The following TMEM132C variants were observed in gnomAD, a reference collection of about 807,000 sequenced individuals.
TMEM132C encodes protein phosphatase 1, regulatory subunit 152.
TMEM132C carries 29 observed loss-of-function variants against 61.4 expected under a neutral mutation model. The observed-to-expected ratio is 0.47, with a 90% CI of 0.35 to 0.64. The LOEUF is 0.64. Among genes scored for constraint, TMEM132C ranks in the 30% least tolerant of loss-of-function variants. The pLI is 0.00. For missense variants in TMEM132C, 1,408 were observed against 1,476.9 expected (o/e 0.95, Z 0.76); for synonymous variants, 656 against 633.1 (o/e 1.04, Z -0.54).
chr12:128,344,946 T>C (rs1873102348), intron 1 of TMEM132C, among the ~76,000 whole-genome samples: 1 of 148,988 alleles, frequency 6.7e-6, no homozygotes, highest in African/African-American at 2.5e-5. Flanking sequence ...TTTTTTTAAA[T>C]TTCCAGCTTT....
intron 2 of TMEM132C, among the ~76,000 whole-genome samples, chr12:128,465,081 G>T (rs971343082): frequency 6.6e-6 from 1 of 152,116 alleles, no homozygotes; most frequent in African/African-American, 2.4e-5. Flanking sequence ...TCCTATGCTT[G>T]TTGGTCTATA....
At chr12:128,489,655 ATTTCCCAGTGC>A (rs1288719346) in intron 2 of TMEM132C, among the ~76,000 whole-genome samples, 2 of 151,060 alleles carry the variant, frequency 1.3e-5, no homozygotes, top group Non-Finnish European at 2.9e-5. Flanking sequence ...CCTGCTCAGA[ATTTCCCAGTGC>A]TTTCCCACCC....
At chr12:128,494,320 G>A (rs561278202) in intron 2 of TMEM132C, among the ~76,000 whole-genome samples, 70 of 152,194 alleles carry the variant, frequency 4.6e-4, no homozygotes, top group African/African-American at 1.7e-3. Flanking sequence ...TCTTTTTGTT[G>A]TGTCTCTGCC....
chr12:128,269,961 C>T (rs1323405343), intron 1 of TMEM132C, among the ~76,000 whole-genome samples: 1 of 152,114 alleles, frequency 6.6e-6, no homozygotes, highest in African/African-American at 2.4e-5. Context: ...TGCAATTTGT[C>T]AGGGTTCGGA....
chr12:128,683,726 G>A (rs753056717), intron 5 of TMEM132C, among the ~76,000 whole-genome samples: 1 of 152,140 alleles, frequency 6.6e-6, no homozygotes, highest in African/African-American at 2.4e-5. Context: ...TAGCACTTTG[G>A]GGGGCCAAGG....
At chr12:128,391,183 C>A (rs1409450531) in intron 1 of TMEM132C, among the ~76,000 whole-genome samples, 1 of 152,182 alleles carries the variant, frequency 6.6e-6, no homozygotes, top group Non-Finnish European at 1.5e-5. Flanking sequence ...AGTTTGAGAA[C>A]CACTACGGTA....
intron 1 of TMEM132C, among the ~76,000 whole-genome samples, chr12:128,369,319 T>C (rs1042069332): frequency 6.6e-6 from 1 of 152,336 alleles, no homozygotes; most frequent in East Asian, 1.9e-4. Context: ...TTTTAGAAAC[T>C]CATTTTATTA....
intron 1 of TMEM132C, among the ~76,000 whole-genome samples, chr12:128,291,752 C>T (rs963000669): frequency 3.3e-5 from 5 of 152,222 alleles, no homozygotes; most frequent in African/African-American, 7.2e-5. Flanking sequence ...AACTGCACCT[C>T]CCAGGTTCCC....
At chr12:128,547,107 A>G (rs1188579305) in intron 3 of TMEM132C, among the ~76,000 whole-genome samples, 1 of 152,162 alleles carries the variant, frequency 6.6e-6, no homozygotes, top group Admixed American at 6.5e-5. Context: ...TATGTATAGC[A>G]CTGCCACGGG....
Position 128,326,791 on chromosome 12 carries a change from A to C in TMEM132C, c.85+59304A>C, listed in dbSNP as rs1872534582. Among the ~76,000 whole-genome samples the C allele has an allele frequency of 7.2e-6, 1 of 138,704 alleles. No homozygotes were observed. The highest frequency in any genetic ancestry group is 1.5e-5 in the Non-Finnish European group (1 of 67,884). 91.0% of individuals were successfully genotyped at this position (138,704 alleles called of 152,430 possible). Reference sequence around the variant, plus strand: ...GCTCCCACATCTCGTTACCGACTTCACAATATTTTTTTTTTCTTTCTTAAC... The same window carrying C: ...GCTCCCACATCTCGTTACCGACTTCCCAATATTTTTTTTTTCTTTCTTAAC... On this transcript the variant is annotated intron_variant, in intron 1 of 8. Transcript: ENST00000435159. This position sits in a 1 kb window ranked among gnomAD's most constrained non-coding sequence, Gnocchi z 5.6.
At chr12:128,607,421 T>G (rs1025590020) in intron 3 of TMEM132C, among the ~76,000 whole-genome samples, 12 of 152,088 alleles carry the variant, frequency 7.9e-5, no homozygotes, top group African/African-American at 2.7e-4. Context: ...GAGTCACATC[T>G]CAGCAGAATT....
chr12:128,607,175 AG>A, intron 3 of TMEM132C, among the ~76,000 whole-genome samples: 1 of 152,306 alleles, frequency 6.6e-6, no homozygotes, highest in South Asian at 2.1e-4. Flanking sequence ...TTCCAGGCAG[AG>A]GAGGGAGCAA....
At chr12:128,665,311 GCA>G (rs372285965) in intron 4 of TMEM132C, among the ~76,000 whole-genome samples, 3 of 108,038 alleles carry the variant, frequency 2.8e-5, no homozygotes, top group African/African-American at 9.8e-5. Context: ...ACACAAACAG[GCA>G]CACACACACA....
At chr12:128,410,058 C>A (rs538284427) in intron 1 of TMEM132C, among the ~76,000 whole-genome samples, 3 of 151,940 alleles carry the variant, frequency 2.0e-5, no homozygotes, top group Admixed American at 6.6e-5. Flanking sequence ...TATCTTATTA[C>A]TATTTTTTCC....
At chr12:128,614,607 C>G (rs1227035856) in intron 3 of TMEM132C, among the ~76,000 whole-genome samples, 1 of 152,190 alleles carries the variant, frequency 6.6e-6, no homozygotes, top group Admixed American at 6.5e-5. Context: ...TGGTTGTGGG[C>G]AAGCCATCTT....
intron 8 of TMEM132C, among the ~76,000 whole-genome samples, chr12:128,702,381 T>C (rs141739659): frequency 5.3e-5 from 8 of 152,214 alleles, no homozygotes; most frequent in African/African-American, 1.9e-4. Context: ...TTATGAAATG[T>C]TATTATTTCA....
intron 4 of TMEM132C, among the ~76,000 whole-genome samples, chr12:128,619,646 C>G (rs141608640): frequency 6.6e-6 from 1 of 152,210 alleles, no homozygotes; most frequent in African/African-American, 2.4e-5. Context: ...CCACCTCTCC[C>G]TAATCCCCTC....
intron 3 of TMEM132C, among the ~76,000 whole-genome samples, chr12:128,574,456 A>C (rs1319993915): frequency 1.3e-5 from 2 of 152,238 alleles, no homozygotes; most frequent in Non-Finnish European, 2.9e-5. Flanking sequence ...CCAAGGCTGG[A>C]GCAGGTGAAG....
At chr12:128,311,858 G>A (rs1871979730) in intron 1 of TMEM132C, among the ~76,000 whole-genome samples, 1 of 152,228 alleles carries the variant, frequency 6.6e-6, no homozygotes, top group African/African-American at 2.4e-5. Context: ...TCTACGCAGT[G>A]TTTTTCCAGG....
Sources: gnomAD v4.1 joint callset for allele counts (sites outside exome capture counted in the v4.1 genomes callset) on GRCh38, gnomAD v4.1.1 for gene constraint, Gnocchi (gnomAD v3.1) non-coding constraint, MANE v1.5 for transcripts, NCBI Gene and HGNC (gene_info 2026-07-23, HGNC 2026-07-21) for gene names.